The following CTNND2 variants were observed in gnomAD, a reference collection of about 807,000 sequenced individuals.
The protein encoded by CTNND2 is catenin delta 2, also known as catenin delta-2.
A neutral mutation model predicts 144.4 loss-of-function variants in CTNND2; 22 were observed. The ratio of observed to expected loss-of-function variants is 0.15; its 90% CI spans 0.11 to 0.22. The LOEUF is 0.22. Ranked by LOEUF, CTNND2 falls within the 10% of genes least tolerant of loss-of-function variation. CTNND2 has a pLI of 1.00. For missense variants in CTNND2, 1,353 were observed against 1,618.8 expected (o/e 0.84, Z 2.82); for synonymous variants, 751 against 695.6 (o/e 1.08, Z -1.25).
chr5:11,486,880 T>A (rs1768883043), intron 3 of CTNND2, among the ~76,000 whole-genome samples: 1 of 152,200 alleles, frequency 6.6e-6, no homozygotes, highest in Non-Finnish European at 1.5e-5. Context: ...ATCCTACTTG[T>A]TGCTGCTAAA....
intron 3 of CTNND2, among the ~76,000 whole-genome samples, chr5:11,542,774 C>T (rs557483400): frequency 8.0e-4 from 122 of 152,274 alleles, no homozygotes; most frequent in African/African-American, 2.7e-3. Flanking sequence ...ACTTCTTGTT[C>T]ATCACAAAGC....
At chr5:11,176,731 G>C (rs997809269) in intron 11 of CTNND2, among the ~76,000 whole-genome samples, 1 of 152,066 alleles carries the variant, frequency 6.6e-6, no homozygotes, top group African/African-American at 2.4e-5. Flanking sequence ...CTACTGTCAT[G>C]ACTGATTCAT....
chr5:11,811,528 C>T (rs1792333483), intron 1 of CTNND2, among the ~76,000 whole-genome samples: 3 of 152,084 alleles, frequency 2.0e-5, no homozygotes, highest in Admixed American at 2.0e-4. Context: ...GTAAAGGTGT[C>T]AAAATTTTCC....
chr5:11,409,175 T>C (rs1393906096), intron 5 of CTNND2, among the ~76,000 whole-genome samples: 1 of 152,040 alleles, frequency 6.6e-6, no homozygotes, highest in Non-Finnish European at 1.5e-5. Flanking sequence ...TATTTCCATT[T>C]GATTCAGTAA....
intron 9 of CTNND2, among the ~76,000 whole-genome samples, chr5:11,291,786 G>A (rs1212447127): frequency 2.0e-5 from 3 of 152,058 alleles, no homozygotes; most frequent in African/African-American, 7.2e-5. Flanking sequence ...GTACAAAATA[G>A]GCAGGCAATA....
rs143282799 is a variant in CTNND2, at chr5:11,246,960, G to A, written c.1629-10137C>T. On this transcript the variant is annotated intron_variant, in intron 9 of 21. Transcript: ENST00000304623. ...AGGGGGCCCTGATGTGTCCGACATCGCAGGCCTCTGGCTTCTGCTCCAAGA... is the reference window on the plus strand; with the variant it reads ...AGGGGGCCCTGATGTGTCCGACATCACAGGCCTCTGGCTTCTGCTCCAAGA... 1.6e-3 allele frequency among the ~76,000 whole-genome samples: 247 copies of A among 152,262 alleles called. 3 individuals are homozygous for A. Among genetic ancestry groups the A allele is most frequent in the East Asian group, 7.7e-3 (40 of 5,166 alleles).
intron 3 of CTNND2, among the ~76,000 whole-genome samples, chr5:11,437,747 T>C (rs1347956100): frequency 3.3e-5 from 5 of 152,242 alleles, no homozygotes; most frequent in Non-Finnish European, 2.9e-5. Context: ...TCGGAGATGG[T>C]CCCAGTTGAT....
intron 16 of CTNND2, among the ~76,000 whole-genome samples, chr5:11,063,272 T>G (rs1283328437): frequency 6.6e-6 from 1 of 152,146 alleles, no homozygotes; most frequent in Non-Finnish European, 1.5e-5. Flanking sequence ...GTTATATTAT[T>G]TTTGAATATA....
At chr5:11,264,121 T>G (rs957727323) in intron 9 of CTNND2, among the ~76,000 whole-genome samples, 11 of 152,244 alleles carry the variant, frequency 7.2e-5, no homozygotes, top group Admixed American at 2.0e-4. Flanking sequence ...AATACTTATT[T>G]CAATTATTTG....
At chr5:11,148,109 T>C (rs1443503938) in intron 12 of CTNND2, among the ~76,000 whole-genome samples, 1 of 152,234 alleles carries the variant, frequency 6.6e-6, no homozygotes, top group African/African-American at 2.4e-5. Flanking sequence ...ATATGAAATA[T>C]GCAGAAGAGA....
chr5:11,250,132 A>G (rs797011305), intron 9 of CTNND2, among the ~76,000 whole-genome samples: 5 of 152,274 alleles, frequency 3.3e-5, no homozygotes, highest in African/African-American at 1.2e-4. Flanking sequence ...AAATGTGGAG[A>G]ATATTTTCAC....
intron 2 of CTNND2, among the ~76,000 whole-genome samples, chr5:11,639,850 A>G (rs545880606): frequency 1.6e-4 from 24 of 152,346 alleles, no homozygotes; most frequent in African/African-American, 4.3e-4. Context: ...CCTTGAATGA[A>G]TTATTACCTA....
intron 2 of CTNND2, among the ~76,000 whole-genome samples, chr5:11,614,082 G>A (rs1282596086): frequency 6.6e-6 from 1 of 152,074 alleles, no homozygotes; most frequent in African/African-American, 2.4e-5. Context: ...CTTGACAATG[G>A]ACATTTTTCC....
intron 2 of CTNND2, among the ~76,000 whole-genome samples, chr5:11,708,829 C>T (rs1785864016): frequency 6.6e-6 from 1 of 152,158 alleles, no homozygotes. Context: ...CCTTTGTTGT[C>T]AGCCCCCTCC....
chr5:11,625,706 C>A (rs576875448), intron 2 of CTNND2, among the ~76,000 whole-genome samples: 2 of 152,144 alleles, frequency 1.3e-5, no homozygotes, highest in East Asian at 3.9e-4. Context: ...TTTCAAAACA[C>A]CTGTCTGATA....
rs908537391 is a variant in CTNND2, at chr5:11,215,108, C to T, written c.1762-15447G>A. Among the ~76,000 whole-genome samples, 19 of 152,258 alleles carry T rather than the reference C, an allele frequency of 1.2e-4. No individual in the cohort carries two copies. The East Asian group carries it at 1.7e-3, about 14-fold the overall frequency. On this transcript the variant is annotated intron_variant, in intron 10 of 21. Transcript: ENST00000304623. ...ATATCCATGTCATCTTTAGACTGAGCGCAGTTTTGACTACTGACTTTGAAC... is the reference window on the plus strand; with the variant it reads ...ATATCCATGTCATCTTTAGACTGAGTGCAGTTTTGACTACTGACTTTGAAC...
At chr5:11,128,752 A>ATATATATATT (rs1432474811) in intron 12 of CTNND2, among the ~76,000 whole-genome samples, 1 of 40,586 alleles carries the variant, frequency 2.5e-5, no homozygotes, top group Non-Finnish European at 4.0e-5. Flanking sequence ...TATATATATT[A>ATATATATATT]TATATAAATA....
At chr5:11,030,032 G>A (rs1052845717) in intron 16 of CTNND2, among the ~76,000 whole-genome samples, 17 of 137,764 alleles carry the variant, frequency 1.2e-4, no homozygotes, top group Admixed American at 2.3e-4. Flanking sequence ...ATTCTTGGCT[G>A]ACAGTTTTTT....
chr5:11,475,322 C>G (rs924852553), intron 3 of CTNND2, among the ~76,000 whole-genome samples: 2 of 152,178 alleles, frequency 1.3e-5, no homozygotes, highest in Admixed American at 6.5e-5. Flanking sequence ...ACTCAAGGAG[C>G]AGTAAGTAAT....
Sources: allele counts gnomAD v4.1 joint callset (sites outside exome capture counted in the v4.1 genomes callset), GRCh38; gene constraint gnomAD v4.1.1; transcripts MANE v1.5; gene names NCBI Gene and HGNC (gene_info 2026-07-23, HGNC 2026-07-21).